Variants in AOPEP observed in about 807,000 individuals in gnomAD.
The protein encoded by AOPEP is aminopeptidase O (putative), also known as aminopeptidase O.
A neutral mutation model predicts 98.1 loss-of-function variants in AOPEP; 77 were observed. That is an observed-to-expected ratio of 0.78 (90% CI 0.65 to 0.95). The LOEUF (loss-of-function observed/expected upper bound fraction) is 0.95. Among genes scored for constraint, AOPEP ranks in the 40% least tolerant of loss-of-function variants. The pLI is 0.00. For missense variants in AOPEP, 1,024 were observed against 1,024.7 expected (o/e 1.00, Z 0.01); for synonymous variants, 346 against 365.3 (o/e 0.95, Z 0.60).
chr9:95,016,793 G>T lies in AOPEP; in HGVS notation c.2115+11177G>T, dbSNP rs1173810751. Among the ~76,000 whole-genome samples, 3 of 148,736 alleles carry T rather than the reference G, an allele frequency of 2.0e-5. No individual in the cohort carries two copies. In the East Asian group the frequency reaches 5.9e-4, roughly 29 times the overall value. ...ATGTCAGCTTTTTTTTTTTTTAAAA[G>T]AGACAGGGTCTCTATGTTGCTGGTC... On this transcript the variant is annotated intron_variant, in intron 13 of 16. Coordinates refer to ENST00000375315, the MANE Select transcript of AOPEP (RefSeq NM_001193329.3).
chr9:95,071,861 C>G (rs2068546098), intron 14 of AOPEP, among the ~76,000 whole-genome samples: 1 of 152,160 alleles, frequency 6.6e-6, no homozygotes, highest in South Asian at 2.1e-4. Flanking sequence ...GAGTCTGATT[C>G]AAGATGAATG....
In AOPEP at chr9:94,891,520, A is replaced by G. The variant is rs2048878919; in HGVS notation, c.1365-32466A>G. Among the ~76,000 whole-genome samples, 3 of 151,902 alleles carry G rather than the reference A, an allele frequency of 2.0e-5. No homozygotes were observed. The South Asian group carries it at 6.2e-4, about 32-fold the overall frequency. ...CATTTTGATTTTTTTAGCATATTGC[A>G]TTTTACAGATTTTTTTAGTGGTTCT... On this transcript the variant is annotated intron_variant, in intron 5 of 16. Coordinates refer to ENST00000375315, the MANE Select transcript of AOPEP (RefSeq NM_001193329.3).
chr9:94,996,833 G>A (rs901764034), intron 11 of AOPEP, among the ~76,000 whole-genome samples: 2 of 152,194 alleles, frequency 1.3e-5, no homozygotes, highest in African/African-American at 4.8e-5. Context: ...TTAGAGCACA[G>A]TGCTCAAGAC....
At chr9:95,126,593 G>A in the AOPEP span, 1 of 1,613,844 alleles carries the variant, frequency 6.2e-7, no homozygotes, top group South Asian at 1.1e-5. Flanking sequence ...TGTAAAAGGA[G>A]AAGACCATGA....
rs1211838647 is a variant in AOPEP, at chr9:94,805,061, C to T, written c.1364+4059C>T. On this transcript the variant is annotated intron_variant, in intron 5 of 16. Coordinates refer to ENST00000375315, the MANE Select transcript of AOPEP (RefSeq NM_001193329.3). The stretch of plus-strand genomic sequence containing the variant: ...GAGGTCTTAAAATGGCTTTCCTTAG[C>T]CCCGTTCTTAGTGAGCTTGGGTGCC... 3.3e-5 allele frequency among the ~76,000 whole-genome samples: 5 copies of T among 152,294 alleles called. 1 individual carries two copies. In the Middle Eastern group the frequency reaches 0.01, roughly 313 times the overall value.
chr9:94,854,752 A>G (rs2165715), intron 5 of AOPEP, among the ~76,000 whole-genome samples: 139,356 of 152,298 alleles, frequency 0.92, 63,975 homozygotes, highest in East Asian at 0.96. Flanking sequence ...TGAATTTAAT[A>G]TGCCCATCAA....
intron 1 of AOPEP, among the ~76,000 whole-genome samples, chr9:94,754,027 G>A (rs1288464215): frequency 6.6e-6 from 1 of 152,140 alleles, no homozygotes; most frequent in East Asian, 1.9e-4. Context: ...TCCTGTGGGG[G>A]CATTAAACAG....
At chr9:94,959,640 G>A (rs985911436) in intron 9 of AOPEP, among the ~76,000 whole-genome samples, 9 of 152,068 alleles carry the variant, frequency 5.9e-5, no homozygotes, top group East Asian at 1.9e-4. Flanking sequence ...AAAATTATAA[G>A]CAATGCAGAA....
At chr9:94,945,821 A>AT (rs1039078105) in intron 7 of AOPEP, among the ~76,000 whole-genome samples, 10 of 149,460 alleles carry the variant, frequency 6.7e-5, no homozygotes, top group Non-Finnish European at 7.5e-5. Context: ...AGAAGTCGTG[A>AT]TTTTTTTTTT....
At chr9:94,825,179 G>C (rs773520484) in intron 5 of AOPEP, among the ~76,000 whole-genome samples, 1 of 152,176 alleles carries the variant, frequency 6.6e-6, no homozygotes, top group Non-Finnish European at 1.5e-5. Context: ...TTTAAAGTTT[G>C]CTTGCCTACT....
intron 16 of AOPEP, 144 bp downstream of exon 16, chr9:95,082,863 C>T: frequency 2.2e-6 from 2 of 925,488 alleles, no homozygotes; most frequent in East Asian, 2.7e-5. Context: ...TGGAGAGTAA[C>T]TGGCCAAGTG....
At chr9:94,967,887 T>A in intron 10 of AOPEP, 86 bp downstream of exon 10, 2 of 1,117,226 alleles carry the variant, frequency 1.8e-6, no homozygotes, top group Non-Finnish European at 2.7e-6. Flanking sequence ...TGTCACAGCC[T>A]AGAAAGCTCA....
chr9:94,949,739 CATTATTCACAGT>C (rs2057961598), intron 7 of AOPEP, among the ~76,000 whole-genome samples: 1 of 152,184 alleles, frequency 6.6e-6, no homozygotes, highest in Non-Finnish European at 1.5e-5. Context: ...GGCAAATGTT[CATTATTCACAGT>C]TTATAGATAG....
intron 5 of AOPEP, among the ~76,000 whole-genome samples, chr9:94,830,622 T>C (rs72746573): frequency 0.071 from 10,767 of 152,316 alleles, 1,106 homozygotes; most frequent in African/African-American, 0.23. Context: ...CTTTGAGGAA[T>C]GGCCACACTG....
chr9:94,788,532 A>AT (rs934364991), intron 3 of AOPEP, among the ~76,000 whole-genome samples: 1 of 140,890 alleles, frequency 7.1e-6, no homozygotes, highest in Admixed American at 7.1e-5. Flanking sequence ...TTGGATCTTG[A>AT]TTTTCTAATA....
At chr9:94,838,540 T>C (rs949969779) in intron 5 of AOPEP, among the ~76,000 whole-genome samples, 2 of 152,244 alleles carry the variant, frequency 1.3e-5, no homozygotes, top group Admixed American at 1.3e-4. Flanking sequence ...TCCAACTTTA[T>C]TGTTCTTTTA....
intron 5 of AOPEP, among the ~76,000 whole-genome samples, chr9:94,821,185 T>G (rs1296666071): frequency 6.6e-6 from 1 of 152,174 alleles, no homozygotes; most frequent in Admixed American, 6.6e-5. Flanking sequence ...CTTTTGGGTT[T>G]ATTTATTTAG....
At chr9:94,900,580 C>T (rs891544609) in intron 5 of AOPEP, 3 of 152,204 alleles carry the variant, frequency 2.0e-5, no homozygotes, top group Admixed American at 6.5e-5. Context: ...ACTGCCTCTG[C>T]CCCATCTGAC....
chr9:94,732,944 C>T (rs13284511), intron 1 of AOPEP, among the ~76,000 whole-genome samples: 53 of 152,140 alleles, frequency 3.5e-4, no homozygotes, highest in Admixed American at 1.2e-3. Context: ...CTTCAGTGGT[C>T]ATGTTTGAGC....
Sources: gnomAD v4.1 joint callset for allele counts (sites outside exome capture counted in the v4.1 genomes callset) on GRCh38, gnomAD v4.1.1 for gene constraint, MANE v1.5 for transcripts, NCBI Gene and HGNC (gene_info 2026-07-23, HGNC 2026-07-21) for gene names.